The following TENM3 variants were observed in gnomAD, a reference collection of about 807,000 sequenced individuals.
TENM3 encodes the protein teneurin transmembrane protein 3.
In TENM3, 63 loss-of-function variants were observed where a neutral mutation model predicts 255.1. The ratio of observed to expected loss-of-function variants is 0.25; its 90% CI spans 0.20 to 0.30. TENM3 has a LOEUF of 0.30. Ranked by LOEUF, TENM3 falls within the 10% of genes least tolerant of loss-of-function variation. The probability of loss-of-function intolerance (pLI) is 1.00; values close to 1 mark genes in which losing one functional copy is unlikely to be tolerated. For missense variants in TENM3, 2,929 were observed against 3,461.1 expected (o/e 0.85, Z 3.86); for synonymous variants, 1,306 against 1,322.3 (o/e 0.99, Z 0.27).
chr4:182,753,322 G>A (rs920574152), intron 20 of TENM3, 128 bp from the exon 21 acceptor site: 1 of 715,134 alleles, frequency 1.4e-6, no homozygotes, highest in Non-Finnish European at 2.4e-6. Flanking sequence ...GCAATCTGCA[G>A]TCCTACCTGC....
chr4:181,921,240 C>A, the TENM3 span, among the ~76,000 whole-genome samples: 1 of 152,006 alleles, frequency 6.6e-6, no homozygotes, highest in Non-Finnish European at 1.5e-5. Flanking sequence ...TCCATATGAA[C>A]TTTAAAATAG....
chr4:182,778,614 A>G (rs550585845), intron 24 of TENM3, among the ~76,000 whole-genome samples: 2 of 152,304 alleles, frequency 1.3e-5, no homozygotes, highest in Admixed American at 1.3e-4. Flanking sequence ...ATCTGCTGGT[A>G]TCACTCCCTG....
chr4:181,998,012 G>A, the TENM3 span, among the ~76,000 whole-genome samples: 1 of 152,114 alleles, frequency 6.6e-6, no homozygotes, highest in Non-Finnish European at 1.5e-5. Context: ...AAAGGAATTG[G>A]TAGCCAAAAA....
At chr4:181,449,848 G>A in the TENM3 span, among the ~76,000 whole-genome samples, 1 of 152,104 alleles carries the variant, frequency 6.6e-6, no homozygotes, top group Non-Finnish European at 1.5e-5. Context: ...AGTTAATTTT[G>A]TTTGGTATTT....
chr4:181,595,882 A>G, the TENM3 span, among the ~76,000 whole-genome samples: 1 of 152,190 alleles, frequency 6.6e-6, no homozygotes, highest in Non-Finnish European at 1.5e-5. Flanking sequence ...GTCTCGGTTC[A>G]GATAACACTT....
At chr4:182,573,717 C>T (rs1272014061) in intron 3 of TENM3, among the ~76,000 whole-genome samples, 2 of 152,110 alleles carry the variant, frequency 1.3e-5, no homozygotes, top group African/African-American at 4.8e-5. Flanking sequence ...AATACTGAAG[C>T]TTTATATCAG....
the TENM3 span, among the ~76,000 whole-genome samples, chr4:181,481,126 G>GAA: frequency 2.0e-5 from 3 of 151,426 alleles, no homozygotes; most frequent in South Asian, 2.1e-4. Context: ...AGTTTTATAA[G>GAA]AAAAAAACCT....
intron 6 of TENM3, among the ~76,000 whole-genome samples, chr4:182,664,453 A>G (rs1434623743): frequency 6.6e-6 from 1 of 152,238 alleles, no homozygotes; most frequent in African/African-American, 2.4e-5. Flanking sequence ...CTGAGACAAA[A>G]CAGTATTGAA....
intron 1 of TENM3, among the ~76,000 whole-genome samples, chr4:182,183,475 C>G (rs1752959438): frequency 6.6e-6 from 1 of 152,130 alleles, no homozygotes; most frequent in Non-Finnish European, 1.5e-5. Flanking sequence ...GTTGCGGAAC[C>G]AAGGACTACT....
chr4:181,889,303 C>A, the TENM3 span, among the ~76,000 whole-genome samples: 1 of 152,086 alleles, frequency 6.6e-6, no homozygotes, highest in Non-Finnish European at 1.5e-5. Flanking sequence ...AGCCTGCTCT[C>A]TCGCTTCCAC....
At chr4:181,449,147 A>G in the TENM3 span, among the ~76,000 whole-genome samples, 4 of 152,294 alleles carry the variant, frequency 2.6e-5, no homozygotes, top group East Asian at 7.7e-4. Flanking sequence ...TTATTTTTTG[A>G]CTTTGTCACC....
the TENM3 span, among the ~76,000 whole-genome samples, chr4:181,588,033 A>T: frequency 2.6e-5 from 4 of 152,134 alleles, no homozygotes; most frequent in African/African-American, 9.7e-5. Flanking sequence ...GTGAGCCGCC[A>T]TCTGCACCTG....
the TENM3 span, among the ~76,000 whole-genome samples, chr4:181,800,353 C>A: frequency 6.6e-6 from 1 of 152,132 alleles, no homozygotes; most frequent in African/African-American, 2.4e-5. Flanking sequence ...ATTCCTAGGC[C>A]GGGAAAGGTG....
At position 182,293,773 on chromosome 4, in the gene TENM3, AT is replaced by A. The variant is rs576920464; in HGVS notation, c.-75-30167del. 4.0e-5 allele frequency among the ~76,000 whole-genome samples: 6 copies of A among 151,530 alleles called. No individual in the cohort carries two copies. In the South Asian group the frequency reaches 1.3e-3, roughly 32 times the overall value. ...AGCGCCCACCCCGAGTCCCTTCCAAATTTTTTCTCCCTTTGGCCCTCCTCAA... is the reference window on the plus strand; with the variant it reads ...AGCGCCCACCCCGAGTCCCTTCCAAATTTTTCTCCCTTTGGCCCTCCTCAA... On this transcript the variant is annotated intron_variant, in intron 1 of 27. Transcript: ENST00000511685.
At chr4:182,635,238 C>G in intron 5 of TENM3, among the ~76,000 whole-genome samples, 1 of 152,282 alleles carries the variant, frequency 6.6e-6, no homozygotes, top group Admixed American at 6.5e-5. Context: ...ACCAGTAATT[C>G]ATTTGACAAC....
At chr4:181,912,091 T>C in the TENM3 span, among the ~76,000 whole-genome samples, 1 of 152,152 alleles carries the variant, frequency 6.6e-6, no homozygotes, top group Non-Finnish European at 1.5e-5. Context: ...AGAGATGGGG[T>C]GGGCCAGGGC....
intron 1 of TENM3, among the ~76,000 whole-genome samples, chr4:182,175,483 C>T (rs1230204995): frequency 6.6e-6 from 1 of 151,970 alleles, no homozygotes; most frequent in Non-Finnish European, 1.5e-5. Context: ...TACAGAAGTG[C>T]TACCAGAATG....
At chr4:182,592,728 T>C (rs1186320996) in intron 3 of TENM3, among the ~76,000 whole-genome samples, 1 of 152,020 alleles carries the variant, frequency 6.6e-6, no homozygotes, top group Admixed American at 6.6e-5. Context: ...AAAAATCATA[T>C]GATAGTAAAA....
chr4:181,950,446 C>T, the TENM3 span, among the ~76,000 whole-genome samples: 1 of 152,148 alleles, frequency 6.6e-6, no homozygotes, highest in East Asian at 1.9e-4. Flanking sequence ...TTCCCCCGGC[C>T]TTTTCCTGCT....
Sources: allele counts gnomAD v4.1 joint callset (sites outside exome capture counted in the v4.1 genomes callset), GRCh38; gene constraint gnomAD v4.1.1; transcripts MANE v1.5; gene names NCBI Gene and HGNC (gene_info 2026-07-23, HGNC 2026-07-21).